NFIC: variants seen among roughly 807,000 people sequenced by gnomAD.
The protein encoded by NFIC is nuclear factor I C.
NFIC carries 12 observed loss-of-function variants against 54.4 expected under a neutral mutation model. That is an observed-to-expected ratio of 0.22 (90% confidence interval 0.14 to 0.36). NFIC has a LOEUF of 0.36. Among genes scored for constraint, NFIC ranks in the 10% least tolerant of loss-of-function variants. NFIC has a pLI of 1.00. For synonymous variants in NFIC, 322 were observed against 319.2 expected, an observed-to-expected ratio of 1.01 and a Z score of -0.09; for missense variants, 575 against 718.2, an observed-to-expected ratio of 0.80 and a Z score of 2.28.
intron 2 of NFIC, among the ~76,000 whole-genome samples, chr19:3,422,320 C>G (rs559619858): frequency 6.6e-6 from 1 of 151,898 alleles, no homozygotes; most frequent in East Asian, 2.0e-4. Context: ...GCGATCCTCC[C>G]GCTTCGGCCT....
chr19:3,369,450 C>T lies in NFIC; in HGVS notation c.30+2784C>T, dbSNP rs1409532996. ...CCCAGCTAATTTTACAACCTGAGCC[C>T]AACCGAAAATAGCTCCCTTTTAGCT... On this transcript the variant is annotated intron_variant, in intron 1 of 10. Coordinates refer to ENST00000443272, the MANE Select transcript of NFIC (RefSeq NM_001245002.2). The surrounding 1 kb of genome is among the most constrained non-coding windows in gnomAD (Gnocchi z 4.3). 1.3e-5 allele frequency among the ~76,000 whole-genome samples: 2 copies of T among 151,182 alleles called. No homozygotes were observed. Among genetic ancestry groups the T allele is most frequent in the Admixed American group, 1.3e-4 (2 of 15,204 alleles).
chr19:3,360,683 G>A (rs1400523468), intron 1 of NFIC, among the ~76,000 whole-genome samples: 2 of 152,232 alleles, frequency 1.3e-5, no homozygotes, highest in Non-Finnish European at 2.9e-5. Context: ...AGCGCCGCCC[G>A]CATTGTGCGG....
rs1447834620 is a variant in NFIC at position 3,459,352 on chromosome 19, T to A, written c.1509+2717T>A. Among the ~76,000 whole-genome samples, 1 of 151,760 alleles carries A rather than the reference T, an allele frequency of 6.6e-6. No individual in the cohort carries two copies. Among genetic ancestry groups the A allele is most frequent in the Non-Finnish European group, 1.5e-5 (1 of 67,932 alleles). On this transcript the variant is annotated intron_variant, in intron 10 of 10. Coordinates refer to ENST00000443272, the MANE Select transcript of NFIC (RefSeq NM_001245002.2). This position sits in a 1 kb window ranked among gnomAD's most constrained non-coding sequence, Gnocchi z 4.2. ...TCCGTCCCTATCAATCCCCCCACTG[T>A]GAGGCTGGGTGGCTCTGACGCCCTG...
At chr19:3,435,293 C>T in intron 6 of NFIC, 86 bp downstream of exon 6, 2 of 1,429,730 alleles carry the variant, frequency 1.4e-6, no homozygotes, top group South Asian at 2.9e-5. Context: ...ACTGCGCGGG[C>T]GCCGCGGGGC....
chr19:3,455,134 G>A (rs1010944519), intron 9 of NFIC, among the ~76,000 whole-genome samples: 23 of 152,244 alleles, frequency 1.5e-4, no homozygotes, highest in Admixed American at 1.2e-3. Context: ...CTGATGCTGC[G>A]TGGTGTCAGG....
intron 1 of NFIC, among the ~76,000 whole-genome samples, chr19:3,372,705 A>AGG (rs1555739429): frequency 1.2e-5 from 1 of 85,768 alleles, no homozygotes; most frequent in African/African-American, 6.1e-5. Flanking sequence ...GGGGCCCAGG[A>AGG]GTGGGGTGGG....
intron 2 of NFIC, among the ~76,000 whole-genome samples, chr19:3,409,889 C>T (rs1385975492): frequency 2.6e-5 from 4 of 152,190 alleles, no homozygotes; most frequent in South Asian, 2.1e-4. Flanking sequence ...ACCTGGCTCC[C>T]GGCCAGATGA....
intron 1 of NFIC, among the ~76,000 whole-genome samples, chr19:3,380,156 A>G (rs1332205376): frequency 6.8e-6 from 1 of 147,342 alleles, no homozygotes; most frequent in Non-Finnish European, 1.5e-5. Flanking sequence ...GCCCGACACC[A>G]CGCCCGGCTA....
chr19:3,381,645 G>A, intron 1 of NFIC, 67 bp from the exon 2 acceptor site: 1 of 1,544,342 alleles, frequency 6.5e-7, no homozygotes, highest in Non-Finnish European at 8.7e-7. Flanking sequence ...TCAGCCTTCG[G>A]GGCCGGGCAG....
rs2082696460 is a variant in NFIC, at chr19:3,464,906, T to TG, written c.*2141dup. On this transcript the variant is annotated 3_prime_UTR_variant, in exon 11 of 11. Transcript: ENST00000443272. Reference sequence around the variant, plus strand: ...GGAGGGGGTGGTCGGGTTGTGCCATTGGGGTGTCCGGAAGCTTCTCAGCCA... The same window carrying TG: ...GGAGGGGGTGGTCGGGTTGTGCCATTGGGGGTGTCCGGAAGCTTCTCAGCCA... 6.4e-6 allele frequency: 1 copy of TG among 157,124 alleles called. No homozygotes were observed. The highest frequency in any genetic ancestry group is 6.8e-5 in the Admixed American group (1 of 14,648). The allele number at this position is 157,124 out of a possible 1,614,324, so 9.7% of individuals were successfully genotyped here. A position where few individuals can be genotyped will look rare whatever the true frequency, so the allele number is the denominator to read the frequency against.
At chr19:3,393,475 A>G (rs932348510) in intron 2 of NFIC, among the ~76,000 whole-genome samples, 6 of 152,012 alleles carry the variant, frequency 3.9e-5, no homozygotes, top group Non-Finnish European at 7.4e-5. Context: ...CACACAGGTG[A>G]TTCTAGAATT....
intron 5 of NFIC, 141 bp downstream of exon 5, chr19:3,434,541 A>C: frequency 1.7e-4 from 222 of 1,279,896 alleles, no homozygotes; most frequent in Non-Finnish European, 2.0e-4. Flanking sequence ...TACTCATCTC[A>C]TCCTTCAAAA....
chr19:3,366,041 C>T (rs543390966), upstream of NFIC, among the ~76,000 whole-genome samples: 3 of 151,944 alleles, frequency 2.0e-5, no homozygotes, highest in Admixed American at 2.0e-4. Flanking sequence ...TTCCTTCCCT[C>T]CCCCCTGGCT....
At chr19:3,433,329 C>T (rs1240542080) in intron 3 of NFIC, among the ~76,000 whole-genome samples, 189 bp from the exon 4 acceptor site, 1 of 152,224 alleles carries the variant, frequency 6.6e-6, no homozygotes, top group Non-Finnish European at 1.5e-5. Context: ...GTGTGAAGGC[C>T]CACACTGGAC....
Position 3,444,513 on chromosome 19 carries a change from G to A in NFIC, c.959-4501G>A, listed in dbSNP as rs994673122. On this transcript the variant is annotated intron_variant, in intron 6 of 10. Transcript: ENST00000443272. ...ACAGACAGAGGATGCTTGGAGGCGG[G>A]GTGCAGAGTCAGTGTCCGTAGAGCC... Among the ~76,000 whole-genome samples the A allele has an allele frequency of 1.8e-4, 27 of 152,330 alleles. 1 individual carries two copies. The highest frequency in any genetic ancestry group is 6.0e-4 in the African/African-American group (25 of 41,574).
intron 2 of NFIC, among the ~76,000 whole-genome samples, chr19:3,396,847 T>A (rs553757480): frequency 6.6e-6 from 1 of 152,238 alleles, no homozygotes; most frequent in South Asian, 2.1e-4. Context: ...TCTCAGCTAC[T>A]CGGGAGGCTG....
At chr19:3,461,860 C>G (rs1338040975) in intron 10 of NFIC, among the ~76,000 whole-genome samples, 1 of 150,458 alleles carries the variant, frequency 6.6e-6, no homozygotes, top group Non-Finnish European at 1.5e-5. Flanking sequence ...GTGAGACCAT[C>G]CTGGCCAACA....
At chr19:3,448,930 C>A in intron 6 of NFIC, 84 bp from the exon 7 acceptor site, 3 of 1,515,998 alleles carry the variant, frequency 2.0e-6, no homozygotes, top group Non-Finnish European at 2.7e-6. Flanking sequence ...GGCTTCCTAT[C>A]CCTTCGGAGG....
intron 2 of NFIC, among the ~76,000 whole-genome samples, chr19:3,412,246 C>T (rs564973795): frequency 7.9e-5 from 12 of 151,640 alleles, no homozygotes; most frequent in African/African-American, 1.7e-4. Context: ...CCACGCTGGG[C>T]TAATTTTTAG....
Sources: gnomAD v4.1 joint callset for allele counts (sites outside exome capture counted in the v4.1 genomes callset) on GRCh38, gnomAD v4.1.1 for gene constraint, Gnocchi (gnomAD v3.1) non-coding constraint, MANE v1.5 for transcripts, NCBI Gene and HGNC (gene_info 2026-07-23, HGNC 2026-07-21) for gene names.